The following CAPN5 variants were observed in gnomAD, a reference collection of about 807,000 sequenced individuals.
The protein encoded by CAPN5 is calpain 5.
Under a neutral mutation model 73.0 loss-of-function variants are expected in CAPN5, and 54 were observed. The ratio of observed to expected loss-of-function variants is 0.74; its 90% CI spans 0.59 to 0.93. The LOEUF (loss-of-function observed/expected upper bound fraction) is 0.93, where lower values mean the gene tolerates loss of function less well. Among genes scored for constraint, CAPN5 ranks in the 40% least tolerant of loss-of-function variants. The pLI is 0.00. For missense variants in CAPN5, 785 were observed against 882.9 expected, an observed-to-expected ratio of 0.89 and a Z score of 1.41; for synonymous variants, 335 against 356.9, an observed-to-expected ratio of 0.94 and a Z score of 0.69.
chr11:77,076,848 A>G (rs1949975156), intron 1 of CAPN5, among the ~76,000 whole-genome samples: 1 of 152,162 alleles, frequency 6.6e-6, no homozygotes, highest in African/African-American at 2.4e-5. Context: ...TATGTTTTCA[A>G]CATACTGACT....
rs782068416 is a variant in CAPN5 at position 77,102,984 on chromosome 11, G to T, written c.297+9171G>T. On this transcript the variant is annotated intron_variant, in intron 3 of 12. Coordinates refer to ENST00000648180, the MANE Select transcript of CAPN5 (RefSeq NM_004055.5). ...GGATGGGGAGAAGCTGCTGCAGCCA[G>T]CGGAGTCTGTGTACCGCCTCAACTT... The T allele has an allele frequency of 5.0e-6, 8 of 1,613,308 alleles. No homozygotes were observed. The Admixed American group carries it at 1.2e-4, about 24-fold the overall frequency.
At chr11:77,115,722 G>GGA in intron 6 of CAPN5, 134 bp downstream of exon 6, 1 of 693,392 alleles carries the variant, frequency 1.4e-6, no homozygotes, top group South Asian at 1.9e-5. Flanking sequence ...AACGAAGAAG[G>GGA]GAGAATTACT....
chr11:77,099,561 C>G lies in CAPN5; in HGVS notation c.297+5748C>G, dbSNP rs1472265322. Among the ~76,000 whole-genome samples, 25 of 151,998 alleles carry G rather than the reference C, an allele frequency of 1.6e-4. 2 individuals are homozygous for G. The highest frequency in any genetic ancestry group is 6.0e-4 in the African/African-American group (25 of 41,472). ...CGGCCAACACAGCGAAACCCCGTCT[C>G]CACCAAAACCAGTCAGGCGTGGTGG... On this transcript the variant is annotated intron_variant, in intron 3 of 12. Coordinates refer to ENST00000648180, the MANE Select transcript of CAPN5 (RefSeq NM_004055.5).
intron 1 of CAPN5, among the ~76,000 whole-genome samples, chr11:77,076,556 A>G (rs1011957127): frequency 6.6e-6 from 1 of 151,870 alleles, no homozygotes; most frequent in African/African-American, 2.4e-5. Flanking sequence ...CCACCATTTT[A>G]CCTTCTGCTT....
At chr11:77,076,665 C>T (rs1423840367) in intron 1 of CAPN5, among the ~76,000 whole-genome samples, 2 of 152,182 alleles carry the variant, frequency 1.3e-5, no homozygotes, top group African/African-American at 2.4e-5. Flanking sequence ...TTGCCTTCCT[C>T]GTTTATCCAT....
At chr11:77,106,916 G>A (rs930737397) in intron 3 of CAPN5, among the ~76,000 whole-genome samples, 2 of 152,210 alleles carry the variant, frequency 1.3e-5, no homozygotes, top group Admixed American at 6.5e-5. Context: ...GTCCTCCTCC[G>A]TCACCATCGC....
chr11:77,102,691 A>C, intron 3 of CAPN5: 1 of 917,130 alleles, frequency 1.1e-6, no homozygotes. Flanking sequence ...TTGAGAACTG[A>C]GTGGGGCTGG....
intron 3 of CAPN5, 138 bp from the exon 4 acceptor site, chr11:77,112,451 G>T: frequency 1.5e-6 from 1 of 685,018 alleles, no homozygotes; most frequent in South Asian, 1.8e-5. Context: ...GTCTCACGAA[G>T]GCTTGTGGCA....
chr11:77,114,970 G>A (rs2135478309), intron 5 of CAPN5, among the ~76,000 whole-genome samples: 1 of 152,194 alleles, frequency 6.6e-6, no homozygotes, highest in East Asian at 1.9e-4. Flanking sequence ...GGCTGAGGCA[G>A]GAGAATTGCT....
intron 2 of CAPN5, among the ~76,000 whole-genome samples, chr11:77,091,254 C>G (rs913529616): frequency 6.6e-6 from 1 of 152,204 alleles, no homozygotes; most frequent in African/African-American, 2.4e-5. Flanking sequence ...GACCATTTAT[C>G]TCCTCTGCAC....
chr11:77,089,000 T>A (rs1950121328), intron 2 of CAPN5, among the ~76,000 whole-genome samples: 1 of 152,126 alleles, frequency 6.6e-6, no homozygotes, highest in South Asian at 2.1e-4. Flanking sequence ...AGCCCAATCC[T>A]GTGCACCACT....
intron 5 of CAPN5, 122 bp from the exon 6 acceptor site, chr11:77,115,273 A>G (rs1950454276): frequency 1.4e-6 from 1 of 726,806 alleles, no homozygotes; most frequent in Non-Finnish European, 2.2e-6. Flanking sequence ...GCACTGCCCC[A>G]TGACTGCAAT....
At chr11:77,075,356 G>A (rs2097071) in intron 1 of CAPN5, among the ~76,000 whole-genome samples, 2 of 152,192 alleles carry the variant, frequency 1.3e-5, no homozygotes, top group Non-Finnish European at 2.9e-5. Context: ...CCACACACCT[G>A]TAGGACCTTC....
intron 1 of CAPN5, among the ~76,000 whole-genome samples, chr11:77,082,680 C>A (rs1192286133): frequency 6.6e-6 from 1 of 152,160 alleles, no homozygotes. Flanking sequence ...CCCTGTGCAG[C>A]CCCTGGCCCA....
Position 77,122,892 on chromosome 11 carries a change from T to C in CAPN5, c.1740+180T>C, listed in dbSNP as rs146086394. On this transcript the variant is annotated intron_variant, in intron 12 of 12. Transcript: ENST00000648180. ...AGCTCTCTTGCCACTCCAAGGTCCC[T>C]CTGTAGGTGGGTGAATTGGATTAGT... Among the ~76,000 whole-genome samples, 876 of 152,284 alleles carry C rather than the reference T, an allele frequency of 5.8e-3. 8 individuals carry two copies. Among genetic ancestry groups the C allele is most frequent in the African/African-American group, 0.02 (836 of 41,566 alleles).
chr11:77,088,399 C>T (rs1404276910), intron 2 of CAPN5, among the ~76,000 whole-genome samples: 2 of 152,130 alleles, frequency 1.3e-5, no homozygotes, highest in Non-Finnish European at 2.9e-5. Context: ...GCACACCCAG[C>T]CGAACTGCCC....
At chr11:77,100,489 G>C (rs367944874) in intron 3 of CAPN5, among the ~76,000 whole-genome samples, 1 of 152,060 alleles carries the variant, frequency 6.6e-6, no homozygotes, top group Non-Finnish European at 1.5e-5. Context: ...CCAGAAGGTC[G>C]GTGCCCCTCT....
rs1248012552 is a variant in CAPN5 at position 77,124,173 on chromosome 11, C to T, written c.*303C>T. On this transcript the variant is annotated 3_prime_UTR_variant, in exon 13 of 13. Coordinates refer to ENST00000648180, the MANE Select transcript of CAPN5 (RefSeq NM_004055.5). Reference sequence around the variant, plus strand: ...ATTTTCCTAAGGCCCTGCTGTCTGCCGAGGAGCGCCAAGAAGATGTCACTT... The same window carrying T: ...ATTTTCCTAAGGCCCTGCTGTCTGCTGAGGAGCGCCAAGAAGATGTCACTT... 1.7e-5 allele frequency: 6 copies of T among 353,332 alleles called. No individual in the cohort carries two copies. Among genetic ancestry groups the T allele is most frequent in the East Asian group, 5.3e-5 (1 of 18,826 alleles). The allele number at this position is 353,332 out of a possible 1,614,324, so 21.9% of individuals were successfully genotyped here.
At chr11:77,090,364 G>C (rs551066938) in intron 2 of CAPN5, among the ~76,000 whole-genome samples, 16 of 152,158 alleles carry the variant, frequency 1.1e-4, no homozygotes, top group Non-Finnish European at 2.2e-4. Context: ...TCCCAAGCTC[G>C]GTCTGTCTCT....
Sources: gnomAD v4.1 joint callset for allele counts (sites outside exome capture counted in the v4.1 genomes callset) on GRCh38, gnomAD v4.1.1 for gene constraint, MANE v1.5 for transcripts, NCBI Gene and HGNC (gene_info 2026-07-23, HGNC 2026-07-21) for gene names.